The following USP34 variants were observed in gnomAD, a reference collection of about 807,000 sequenced individuals.
USP34 encodes the protein ubiquitin specific peptidase 34, also known as ubiquitin carboxyl-terminal hydrolase 34.
Under a neutral mutation model 460.3 loss-of-function variants are expected in USP34, and 70 were observed. The ratio of observed to expected loss-of-function variants is 0.15; its 90% confidence interval spans 0.13 to 0.19. USP34 has a LOEUF of 0.19. Among genes scored for constraint, USP34 ranks in the 10% least tolerant of loss-of-function variants. USP34 has a pLI of 1.00. For synonymous variants in USP34, 1,647 were observed against 1,405.3 expected (o/e 1.17, Z -3.85); for missense variants, 3,985 against 4,236.2 (o/e 0.94, Z 1.65).
chr2:61,254,617 G>T (rs1035866532), intron 48 of USP34, among the ~76,000 whole-genome samples: 1 of 152,134 alleles, frequency 6.6e-6, no homozygotes, highest in African/African-American at 2.4e-5. Flanking sequence ...AAATTAAAAT[G>T]TTTACTCAAC....
rs1415074215 is a variant in USP34, at chr2:61,265,427, A to T, written c.5748T>A (p.Pro1916=). Residue 1916 remains proline, a synonymous_variant, in exon 43 of 80, where the codon CCT becomes CCA. Coordinates refer to ENST00000398571, the MANE Select transcript of USP34 (RefSeq NM_014709.4). ...CAGTGAAGACAGCCTGTCTTGCCTCAGGTATCATATAAAGTTGCTGAATAG... is the reference window on the plus strand; with the variant it reads ...CAGTGAAGACAGCCTGTCTTGCCTCTGGTATCATATAAAGTTGCTGAATAG... ...ASTIQQLYMI[P]EARQAVFTAK... The T allele has an allele frequency of 6.2e-7, 1 of 1,612,220 alleles. No individual in the cohort carries two copies. The highest frequency in any genetic ancestry group is 8.5e-7 in the Non-Finnish European group (1 of 1,179,624).
chr2:61,346,525 C>CT (rs1309856261), intron 15 of USP34, among the ~76,000 whole-genome samples: 3 of 71,654 alleles, frequency 4.2e-5, no homozygotes, highest in East Asian at 5.0e-4. Context: ...GACCCTATCT[C>CT]TTAAAAAAAA....
rs775905671 is a variant in USP34 at position 61,378,386 on chromosome 2, T to C, written c.1053A>G (p.Glu351=). 2.5e-6 allele frequency: 4 copies of C among 1,598,500 alleles called. No homozygotes were observed. Among genetic ancestry groups the C allele is most frequent in the Non-Finnish European group, 3.4e-6 (4 of 1,174,926 alleles). The change falls in exon 8 of 80, where the codon GAA becomes GAG. Residue 351 remains glutamate (E), a synonymous_variant. Coordinates refer to ENST00000398571, the MANE Select transcript of USP34 (RefSeq NM_014709.4). ...ACGTTTCTGTGTCCGATACTAATGA[T>C]TCATTATTGCACACATCATTGAAGG... ...LHTFNDVCNN[E]SLVSDTETSI... is the part of the protein sequence containing the mutation.
At chr2:61,230,940 G>A (rs1172671428) in intron 58 of USP34, among the ~76,000 whole-genome samples, 2 of 151,582 alleles carry the variant, frequency 1.3e-5, no homozygotes, top group Non-Finnish European at 2.9e-5. Context: ...ACAAAAACTT[G>A]TACTAAAAGT....
intron 41 of USP34, among the ~76,000 whole-genome samples, chr2:61,267,448 T>A (rs901912701): frequency 3.9e-5 from 6 of 151,974 alleles, no homozygotes; most frequent in Non-Finnish European, 1.5e-5. Flanking sequence ...AGGAGATTTT[T>A]TTTTTTTTTT....
intron 1 of USP34, among the ~76,000 whole-genome samples, chr2:61,453,337 C>T (rs751999647): frequency 6.6e-6 from 1 of 151,842 alleles, no homozygotes; most frequent in Non-Finnish European, 1.5e-5. Context: ...CTGCTTAAGC[C>T]TGGAAAGTAG....
At position 61,331,290 on chromosome 2, in the gene USP34, T is replaced by C; in HGVS notation, c.2916A>G (p.Arg972=). 1 of 1,612,412 alleles carries C rather than the reference T, an allele frequency of 6.2e-7. No individual in the cohort carries two copies. Among genetic ancestry groups the C allele is most frequent in the Non-Finnish European group, 8.5e-7 (1 of 1,179,086 alleles). ...VYYIQTVREG[R]QKHALYSHSA... ...GAGGTACTTACAGTGCATGTTTTTG[T>C]CTTCCTTCTCTCACAGTTTGAATGT... The change falls in exon 20 of 80, where the codon AGA becomes AGG. Residue 972 remains arginine (R), a synonymous_variant. Transcript: ENST00000398571.
At chr2:61,456,406 G>C (rs1341887126) in intron 1 of USP34, among the ~76,000 whole-genome samples, 2 of 152,180 alleles carry the variant, frequency 1.3e-5, no homozygotes, top group Non-Finnish European at 2.9e-5. Context: ...GGAAGGTTTT[G>C]GAAAAAGCAG....
At chr2:61,398,275 G>A (rs1030616583) in intron 3 of USP34, among the ~76,000 whole-genome samples, 2 of 152,018 alleles carry the variant, frequency 1.3e-5, no homozygotes, top group Admixed American at 1.3e-4. Context: ...GCTGAGGCGG[G>A]AGGATTGCAT....
chr2:61,203,355 A>C, intron 74 of USP34, 92 bp from the exon 75 acceptor site: 1 of 1,212,636 alleles, frequency 8.2e-7, no homozygotes, highest in Non-Finnish European at 1.1e-6. Flanking sequence ...TAAAAAGCTG[A>C]TTCAATATTT....
intron 3 of USP34, among the ~76,000 whole-genome samples, chr2:61,399,591 C>T (rs1273204116): frequency 6.6e-6 from 1 of 151,660 alleles, no homozygotes; most frequent in Non-Finnish European, 1.5e-5. Flanking sequence ...AATTAACGGT[C>T]CCGGGCGCGG....
chr2:61,271,761 T>C (rs939232538), intron 41 of USP34, among the ~76,000 whole-genome samples: 5 of 152,176 alleles, frequency 3.3e-5, no homozygotes, highest in African/African-American at 1.2e-4. Flanking sequence ...TGACAGATTA[T>C]TATGCAGCTG....
intron 75 of USP34, among the ~76,000 whole-genome samples, chr2:61,195,615 T>A (rs1256476617): frequency 6.6e-6 from 1 of 152,012 alleles, no homozygotes; most frequent in Non-Finnish European, 1.5e-5. Flanking sequence ...GAAGTTGCAA[T>A]GAGACGAGAT....
chr2:61,323,107 A>C (rs1690976135), intron 21 of USP34, among the ~76,000 whole-genome samples: 1 of 152,212 alleles, frequency 6.6e-6, no homozygotes, highest in Non-Finnish European at 1.5e-5. Context: ...AGCCATGCAC[A>C]GTAGTCTGAG....
At chr2:61,253,263 G>A (rs1484975205) in intron 48 of USP34, among the ~76,000 whole-genome samples, 1 of 152,148 alleles carries the variant, frequency 6.6e-6, no homozygotes, top group Non-Finnish European at 1.5e-5. Flanking sequence ...TCAAAAGAAG[G>A]GAGTTATCAA....
intron 51 of USP34, among the ~76,000 whole-genome samples, chr2:61,242,585 T>C (rs534811822): frequency 1.4e-4 from 21 of 151,448 alleles, no homozygotes; most frequent in East Asian, 3.9e-4. Context: ...AGAAAGGTCA[T>C]AGGACAAAAG....
At chr2:61,268,263 C>CT (rs1234714388) in intron 41 of USP34, among the ~76,000 whole-genome samples, 2 of 151,786 alleles carry the variant, frequency 1.3e-5, no homozygotes, top group African/African-American at 4.8e-5. Flanking sequence ...GGTACAATGG[C>CT]TCACATCTGT....
At chr2:61,309,958 T>A (rs991987068) in intron 27 of USP34, among the ~76,000 whole-genome samples, 10 of 152,164 alleles carry the variant, frequency 6.6e-5, no homozygotes, top group African/African-American at 2.4e-4. Flanking sequence ...CCTTTTTCTT[T>A]ATCCACTAGG....
chr2:61,323,557 C>T (rs1045979762), intron 21 of USP34, among the ~76,000 whole-genome samples: 7 of 151,344 alleles, frequency 4.6e-5, no homozygotes, highest in Non-Finnish European at 8.8e-5. Flanking sequence ...GTGATGTGCA[C>T]CTATGGTCCC....
Sources: allele counts gnomAD v4.1 joint callset (sites outside exome capture counted in the v4.1 genomes callset), GRCh38; gene constraint gnomAD v4.1.1; transcripts MANE v1.5; gene names NCBI Gene and HGNC (gene_info 2026-07-23, HGNC 2026-07-21).